The following SCML4 variants were observed in gnomAD, a reference collection of about 807,000 sequenced individuals.
The protein encoded by SCML4 is sex comb on midleg-like protein 4.
SCML4 carries 34 observed loss-of-function variants against 41.1 expected under a neutral mutation model. That is an observed-to-expected ratio of 0.83 (90% CI 0.63 to 1.10). SCML4 has a LOEUF of 1.10. Ranked by LOEUF, SCML4 falls within the 50% of genes least tolerant of loss-of-function variation. SCML4 has a pLI of 0.00. For missense variants in SCML4, 522 were observed against 534.1 expected, an observed-to-expected ratio of 0.98 and a Z score of 0.22; for synonymous variants, 214 against 220.9, an observed-to-expected ratio of 0.97 and a Z score of 0.28.
At chr6:107,827,846 CCTT>C (rs767104689), upstream of SCML4, among the ~76,000 whole-genome samples, 2 of 152,170 alleles carry the variant, frequency 1.3e-5, no homozygotes, top group African/African-American at 2.4e-5. Flanking sequence ...GAAGAGTAAT[CCTT>C]CTGTCAGCTG....
rs201475446 is a variant in SCML4 at position 107,772,181 on chromosome 6, G to A, written c.147C>T (p.Pro49=). 119 of 1,550,272 alleles carry A rather than the reference G, an allele frequency of 7.7e-5. No individual in the cohort carries two copies. Among genetic ancestry groups the A allele is most frequent in the African/African-American group, 3.0e-4 (22 of 73,072 alleles). Residue 49 remains proline, a synonymous_variant, in exon 2 of 8, where the codon CCC becomes CCT. Coordinates refer to ENST00000369020, the MANE Select transcript of SCML4 (RefSeq NM_198081.5). The stretch of plus-strand genomic sequence containing the variant: ...GATGATGGAGCCGTACCTTGTACCC[G>A]GGTTTCCGCCCTCTTTTCTTTGGGA... ...VKIPKKRGRK[P]GYKIKSRVLM... is the part of the protein sequence containing the mutation.
At chr6:107,746,026 A>AAATAAAT (rs1401170976) in intron 4 of SCML4, 134 of 148,940 alleles carry the variant, frequency 9.0e-4, no homozygotes, top group African/African-American at 3.2e-3. Flanking sequence ...ATAAATAAAT[A>AAATAAAT]AAAGAATGGA....
the SCML4 span, among the ~76,000 whole-genome samples, chr6:107,831,312 G>A: frequency 6.7e-6 from 1 of 148,600 alleles, no homozygotes; most frequent in Non-Finnish European, 1.5e-5. Context: ...AGATCTCCAA[G>A]ATGGGTTTCT....
intron 6 of SCML4, among the ~76,000 whole-genome samples, chr6:107,709,967 C>T (rs984716641): frequency 2.0e-5 from 3 of 152,118 alleles, no homozygotes; most frequent in Non-Finnish European, 4.4e-5. Flanking sequence ...ATCTTGGCCT[C>T]CCAAAGTGCT....
chr6:107,755,607 G>A (rs367610632), intron 2 of SCML4: 74 of 1,343,972 alleles, frequency 5.5e-5, no homozygotes, highest in Admixed American at 8.2e-5. Flanking sequence ...TCTGCCTGTC[G>A]CAACCTATCC....
chr6:107,787,768 G>A (rs1164630115), intron 1 of SCML4, among the ~76,000 whole-genome samples: 1 of 152,214 alleles, frequency 6.6e-6, no homozygotes, highest in Non-Finnish European at 1.5e-5. Flanking sequence ...CCATTCACCA[G>A]TCTTGCGGGG....
intron 1 of SCML4, among the ~76,000 whole-genome samples, chr6:107,780,591 C>T (rs1781406597): frequency 6.6e-6 from 1 of 151,902 alleles, no homozygotes; most frequent in African/African-American, 2.4e-5. Context: ...TCTGTGGTCC[C>T]AGCGACTTGG....
intron 1 of SCML4, among the ~76,000 whole-genome samples, chr6:107,803,252 A>G (rs9373983): frequency 2.6e-4 from 2 of 7,776 alleles, no homozygotes. Context: ...CTGTCTGAGA[A>G]GTGAGGAGAC....
At chr6:107,797,120 T>C (rs1286489023) in intron 1 of SCML4, among the ~76,000 whole-genome samples, 1 of 152,146 alleles carries the variant, frequency 6.6e-6, no homozygotes, top group African/African-American at 2.4e-5. Context: ...CCAACTTTAT[T>C]TTCCTTTTTC....
intron 2 of SCML4, among the ~76,000 whole-genome samples, chr6:107,758,246 T>C (rs918146579): frequency 6.6e-5 from 10 of 152,136 alleles, no homozygotes; most frequent in Non-Finnish European, 1.3e-4. Flanking sequence ...AGTCAGGATG[T>C]GAGTGGCTAG....
chr6:107,735,798 CAA>C (rs10714127), intron 5 of SCML4, among the ~76,000 whole-genome samples: 6,545 of 137,826 alleles, frequency 0.047, 351 homozygotes, highest in African/African-American at 0.14. Context: ...GACCTTGTCT[CAA>C]AAAAAAAAAA....
At chr6:107,757,950 C>T (rs949677634) in intron 2 of SCML4, among the ~76,000 whole-genome samples, 3 of 152,110 alleles carry the variant, frequency 2.0e-5, no homozygotes, top group Non-Finnish European at 2.9e-5. Context: ...CAGATGATCC[C>T]CTCTGTGAAA....
At chr6:107,726,541 A>AG (rs2114428344) in intron 5 of SCML4, among the ~76,000 whole-genome samples, 1 of 151,390 alleles carries the variant, frequency 6.6e-6, no homozygotes, top group Admixed American at 6.6e-5. Context: ...TCAAAAAAAA[A>AG]AAAAAAAAAA....
rs1351553382 is a variant in SCML4 at position 107,778,208 on chromosome 6, AAAAAAAAAAAAAAAATATATATATAT to A, written c.-59-5848_-59-5823del. 3.8e-4 allele frequency among the ~76,000 whole-genome samples: 27 copies of A among 71,240 alleles called. 2 individuals are homozygous for A. The highest frequency in any genetic ancestry group is 4.2e-4 in the Non-Finnish European group (18 of 42,464). The allele number at this position is 71,240 out of a possible 152,430, so 46.7% of individuals were successfully genotyped here. On this transcript the variant is annotated intron_variant, in intron 1 of 7. Transcript: ENST00000369020. ...CGAGACTCTATCTCAAAAAAAAAAAAAAAAAAAAAAAAAAATATATATATATATATATATATATATATATATATATA... is the reference window on the plus strand; with the variant it reads ...CGAGACTCTATCTCAAAAAAAAAAAAATATATATATATATATATATATATA...
At chr6:107,724,888 C>T (rs537141370) in intron 5 of SCML4, among the ~76,000 whole-genome samples, 1 of 152,228 alleles carries the variant, frequency 6.6e-6, no homozygotes, top group South Asian at 2.1e-4. Flanking sequence ...TACAAAGCAA[C>T]AATAATCAAG....
At chr6:107,803,950 A>G (rs1783508723) in intron 1 of SCML4, among the ~76,000 whole-genome samples, 1 of 150,676 alleles carries the variant, frequency 6.6e-6, no homozygotes, top group Non-Finnish European at 1.5e-5. Flanking sequence ...AAAACCAGAG[A>G]CCTTTGTTCA....
intron 2 of SCML4, among the ~76,000 whole-genome samples, chr6:107,753,627 TTG>T (rs1394422357): frequency 1.3e-5 from 2 of 152,210 alleles, no homozygotes; most frequent in Non-Finnish European, 2.9e-5. Flanking sequence ...ATGGTAAATT[TTG>T]TGTGTTTTTT....
rs1214419940 is a variant in SCML4, at chr6:107,745,136, A to T, written c.495T>A (p.Ala165=). The part of the protein sequence containing the change: ...GYGGEMVSVS[A]SFDGKQHLRS... Reference sequence around the variant, plus strand: ...GCAGGTGCTGTTTGCCATCAAAGGAAGCCGAGACTGGAAAACCAGAGAGAT... The same window carrying T: ...GCAGGTGCTGTTTGCCATCAAAGGATGCCGAGACTGGAAAACCAGAGAGAT... Residue 165 remains alanine (A), a synonymous_variant, in exon 5 of 8, where the codon GCT becomes GCA. Transcript: ENST00000369020. 2 of 1,572,188 alleles carry T rather than the reference A, an allele frequency of 1.3e-6. No individual in the cohort carries two copies. The highest frequency in any genetic ancestry group is 2.7e-5 in the African/African-American group (2 of 73,888).
At chr6:107,740,960 T>A (rs1777549237) in intron 5 of SCML4, among the ~76,000 whole-genome samples, 1 of 151,952 alleles carries the variant, frequency 6.6e-6, no homozygotes, top group Non-Finnish European at 1.5e-5. Context: ...GAGGAGGCAA[T>A]AACAAAAGGG....
Sources: allele counts gnomAD v4.1 joint callset (sites outside exome capture counted in the v4.1 genomes callset), GRCh38; gene constraint gnomAD v4.1.1; transcripts MANE v1.5; gene names NCBI Gene and HGNC (gene_info 2026-07-23, HGNC 2026-07-21).